The following STARD3 variants were observed in gnomAD, a reference collection of about 807,000 sequenced individuals.
STARD3 encodes StAR related lipid transfer domain containing 3.
Under a neutral mutation model 62.0 loss-of-function variants are expected in STARD3, and 39 were observed. That is an observed-to-expected ratio of 0.63 (90% CI 0.49 to 0.82). STARD3 has a LOEUF of 0.82. STARD3 is among the 40% of genes least tolerant of loss of function. The pLI is 0.00. For missense variants in STARD3, 543 were observed against 584.5 expected (o/e 0.93, Z 0.73); for synonymous variants, 229 against 242.4 (o/e 0.94, Z 0.51).
rs755345558 is a variant in STARD3 at position 39,658,807 on chromosome 17, A to C, written c.633A>C (p.Pro211=). 1 of 1,613,970 alleles carries C rather than the reference A, an allele frequency of 6.2e-7. No individual in the cohort carries two copies. Among genetic ancestry groups the C allele is most frequent in the Non-Finnish European group, 8.5e-7 (1 of 1,179,984 alleles). The part of the protein sequence containing the change: ...ALSEGQFYSP[P]ESFAGSDNES... ...CCGAGGGACAGTTCTATTCACCCCC[A>C]GAATCCTTTGCAGGTGAGGGCTGGT... Residue 211 remains proline (P), a synonymous_variant, in exon 7 of 15, where the codon CCA becomes CCC. Transcript: ENST00000336308.
Position 39,663,072 on chromosome 17 carries a change from G to A in STARD3, c.*164G>A. The A allele has an allele frequency of 1.4e-6, 1 of 691,502 alleles. No homozygotes were observed. Among genetic ancestry groups the A allele is most frequent in the Non-Finnish European group, 2.3e-6 (1 of 443,618 alleles). The allele number at this position is 691,502 out of a possible 1,614,324, so 42.8% of individuals were successfully genotyped here. On this transcript the variant is annotated 3_prime_UTR_variant, in exon 15 of 15. Transcript: ENST00000336308. ...GAGTTGACTGACTGAGCAGGCTGTG[G>A]GGTGGAGCACTGGACTCCGGGGCCC...
At chr17:39,662,077 C>G (rs1203226161) in intron 13 of STARD3, among the ~76,000 whole-genome samples, 174 bp from the exon 14 acceptor site, 1 of 152,094 alleles carries the variant, frequency 6.6e-6, no homozygotes, top group Non-Finnish European at 1.5e-5. Flanking sequence ...AGGGCCGATT[C>G]TGCAGCCCAT....
intron 2 of STARD3, among the ~76,000 whole-genome samples, chr17:39,654,951 G>GC (rs753555446): frequency 6.5e-4 from 99 of 152,202 alleles, no homozygotes; most frequent in Admixed American, 5.9e-4. Flanking sequence ...AGATGAGCTG[G>GC]CACCTTCAGT....
rs774470364 is a variant in STARD3 at position 39,653,726 on chromosome 17, C to A, written c.195C>A (p.Ser65=). The A allele has an allele frequency of 5.6e-6, 9 of 1,614,164 alleles. No homozygotes were observed. The highest frequency in any genetic ancestry group is 7.6e-6 in the Non-Finnish European group (9 of 1,180,026). Residue 65 remains serine, a synonymous_variant, in exon 2 of 15, where the codon TCC becomes TCA. Transcript: ENST00000336308. ...TCACCTTCGACCTGCTCTTCATCTC[C>A]CTGCTCTGGATCATCGAACTGAATG... The part of the protein sequence containing the change: ...LFVTFDLLFI[S]LLWIIELNTN...
Position 39,658,717 on chromosome 17 carries a change from T to C in STARD3, c.548-5T>C. 1 of 1,613,940 alleles carries C rather than the reference T, an allele frequency of 6.2e-7. No homozygotes were observed. The highest frequency in any genetic ancestry group is 8.5e-7 in the Non-Finnish European group (1 of 1,179,984). ...CTCGGTCCGGGACCGAGTCTGCTCC[T>C]CCAGGGTATCTTGCCGCCCAGGTTG... is the stretch of plus-strand genomic sequence containing the variant. On this transcript the variant is annotated splice_polypyrimidine_tract_variant and splice_region_variant and intron_variant, in intron 6 of 14. Coordinates refer to ENST00000336308, the MANE Select transcript of STARD3 (RefSeq NM_006804.4).
rs34408242 is a variant in STARD3 at position 39,661,001 on chromosome 17, G to A, written c.1055G>A (p.Arg352His). Residue 352 changes from arginine to histidine, a missense_variant, in exon 13 of 15, where the codon CGC becomes CAC. Transcript: ENST00000336308. The stretch of plus-strand genomic sequence containing the variant: ...CGCAGGGACTTCGTGAATGTCCGGC[G>A]CATTGAGCGGCGCAGGGACCGATAC... ...VSPRDFVNVR[R>H]IERRRDRYLS... The A allele has an allele frequency of 2.1e-3, 3,330 of 1,613,708 alleles. 7 individuals are homozygous for A. Among genetic ancestry groups the A allele is most frequent in the Non-Finnish European group, 2.4e-3 (2,886 of 1,179,990 alleles).
chr17:39,661,191 G>A (rs2145045571), intron 13 of STARD3, 106 bp downstream of exon 13: 1 of 989,852 alleles, frequency 1.0e-6, no homozygotes, highest in Non-Finnish European at 1.5e-6. Context: ...TGCTGAGGCT[G>A]CGTTCCTGTT....
At chr17:39,659,137 C>G in intron 8 of STARD3, 31 bp downstream of exon 8, 1 of 1,613,828 alleles carries the variant, frequency 6.2e-7, no homozygotes, top group Non-Finnish European at 8.5e-7. Context: ...AACCCCTGCC[C>G]TTGGAATGGG....
At position 39,662,583 on chromosome 17, in the gene STARD3, G is replaced by A. The variant is rs78619027; in HGVS notation, c.1234-221G>A. On this transcript the variant is annotated intron_variant, in intron 14 of 14. Transcript: ENST00000336308. ...CTGAGGCCCTGAGGAAGGGTGGCTG[G>A]TGGCCAGCCCGGCCCCACCCTGGTC... is the stretch of plus-strand genomic sequence containing the variant. The A allele has an allele frequency of 4.8e-3, 3,048 of 629,698 alleles. 82 individuals are homozygous for A. In the African/African-American group the frequency reaches 0.051, roughly 11 times the overall value. 39.0% of individuals were successfully genotyped at this position (629,698 alleles called of 1,614,324 possible). A position where few individuals can be genotyped will look rare whatever the true frequency, so the allele number is the denominator to read the frequency against.
At chr17:39,656,229 C>G (rs2057128388) in intron 2 of STARD3, among the ~76,000 whole-genome samples, 1 of 152,294 alleles carries the variant, frequency 6.6e-6, no homozygotes, top group African/African-American at 2.4e-5. Context: ...GGGTCTTCCT[C>G]TCCAGGGCTC....
chr17:39,655,526 G>A (rs1043465242), intron 2 of STARD3, among the ~76,000 whole-genome samples: 7 of 152,106 alleles, frequency 4.6e-5, no homozygotes, highest in Non-Finnish European at 7.4e-5. Context: ...TGTTGGCTGC[G>A]ATTGCTCTGC....
chr17:39,642,869 G>A (rs1597787643), intron 1 of STARD3, among the ~76,000 whole-genome samples: 1 of 152,134 alleles, frequency 6.6e-6, no homozygotes, highest in East Asian at 1.9e-4. Flanking sequence ...GGGCCCTGGG[G>A]TAGGAGCATG....
At chr17:39,653,226 C>T in intron 1 of STARD3, 2 of 470,262 alleles carry the variant, frequency 4.3e-6, no homozygotes, top group Non-Finnish European at 7.8e-6. Context: ...ACCCCAGAGC[C>T]CTCCAGGGGT....
chr17:39,660,650 C>T lies in STARD3; in HGVS notation c.954+124C>T. The T allele has an allele frequency of 7.3e-7, 1 of 1,376,108 alleles. No individual in the cohort carries two copies. Among genetic ancestry groups the T allele is most frequent in the Non-Finnish European group, 1.0e-6 (1 of 979,046 alleles). 85.2% of individuals were successfully genotyped at this position (1,376,108 alleles called of 1,614,324 possible). On this transcript the variant is annotated intron_variant, in intron 11 of 14. Transcript: ENST00000336308. This position sits in a 1 kb window ranked among gnomAD's most constrained non-coding sequence, Gnocchi z 4.8. ...ACAGTGGGTGTGATGGTAACAGTGC[C>T]TGCTCGGGAGGGTCGGGAGGAGGGC...
At chr17:39,642,521 C>T (rs2056990660) in intron 1 of STARD3, among the ~76,000 whole-genome samples, 1 of 152,120 alleles carries the variant, frequency 6.6e-6, no homozygotes, top group Non-Finnish European at 1.5e-5. Context: ...TGTAAATGGC[C>T]GTTCAGTGCA....
chr17:39,643,325 A>C (rs2056997090), intron 1 of STARD3, among the ~76,000 whole-genome samples: 1 of 152,148 alleles, frequency 6.6e-6, no homozygotes, highest in Non-Finnish European at 1.5e-5. Flanking sequence ...TGTACTTAGA[A>C]GGTCCCAGCC....
At position 39,657,086 on chromosome 17, in the gene STARD3, G is replaced by T. The variant is rs2057138431; in HGVS notation, c.297+1G>T. On this transcript the variant is annotated splice_donor_variant, in intron 3 of 14. Transcript: ENST00000336308. LOFTEE classifies it high-confidence loss of function. Reference sequence around the variant, plus strand: ...TAAAACTTCCTTCTTCGACATCTTTGTGAGTGGCCTTGGCTGATCCTGGGG... The same window carrying T: ...TAAAACTTCCTTCTTCGACATCTTTTTGAGTGGCCTTGGCTGATCCTGGGG... The T allele has an allele frequency of 2.5e-6, 4 of 1,614,028 alleles. No individual in the cohort carries two copies. The highest frequency in any genetic ancestry group is 1.1e-5 in the South Asian group (1 of 91,082).
rs554529106 is a variant in STARD3 at position 39,645,049 on chromosome 17, G to A, written c.-52+7818G>A. The stretch of plus-strand genomic sequence containing the variant: ...GATTTGTGGAAATTGAAAATTGGAG[G>A]TGGGTGAGTGGGAGGCGGCTTAGCC... On this transcript the variant is annotated intron_variant, in intron 1 of 14. Coordinates refer to ENST00000336308, the MANE Select transcript of STARD3 (RefSeq NM_006804.4). Among the ~76,000 whole-genome samples, 35 of 152,304 alleles carry A rather than the reference G, an allele frequency of 2.3e-4. No homozygotes were observed. In the East Asian group the frequency reaches 6.0e-3, roughly 26 times the overall value.
intron 1 of STARD3, among the ~76,000 whole-genome samples, chr17:39,638,650 G>A (rs1314155791): frequency 1.3e-5 from 2 of 152,200 alleles, no homozygotes; most frequent in Admixed American, 1.3e-4. Context: ...TAATAGCATA[G>A]TAGCTGAGAA....
Sources: gnomAD v4.1 joint callset for allele counts (sites outside exome capture counted in the v4.1 genomes callset) on GRCh38, gnomAD v4.1.1 for gene constraint, Gnocchi (gnomAD v3.1) non-coding constraint, MANE v1.5 for transcripts, NCBI Gene and HGNC (gene_info 2026-07-23, HGNC 2026-07-21) for gene names.